The following ACTN4 variants were observed in gnomAD, a reference collection of about 807,000 sequenced individuals.
The protein encoded by ACTN4 is actinin alpha 4.
ACTN4 carries 18 observed loss-of-function variants against 114.2 expected under a neutral mutation model. The ratio of observed to expected loss-of-function variants is 0.16; its 90% CI spans 0.11 to 0.23. The LOEUF (loss-of-function observed/expected upper bound fraction) is 0.23, where lower values mean the gene tolerates loss of function less well. Ranked by LOEUF, ACTN4 falls within the 10% of genes least tolerant of loss-of-function variation. ACTN4 has a pLI of 1.00. For synonymous variants in ACTN4, 515 were observed against 506.3 expected, an observed-to-expected ratio of 1.02 and a Z score of -0.23; for missense variants, 722 against 1,262.9, an observed-to-expected ratio of 0.57 and a Z score of 6.49.
chr19:38,667,474 G>C (rs1966996668), intron 1 of ACTN4, among the ~76,000 whole-genome samples: 1 of 152,142 alleles, frequency 6.6e-6, no homozygotes, highest in African/African-American at 2.4e-5. Flanking sequence ...GTTTTTCTAA[G>C]TTTAAAAAAT....
chr19:38,709,335 C>A, intron 6 of ACTN4, 60 bp from the exon 7 acceptor site: 1 of 1,335,256 alleles, frequency 7.5e-7, no homozygotes, highest in Non-Finnish European at 1.1e-6. Context: ...CCCTGCCTCC[C>A]TCCTGCTCCT....
Position 38,700,732 on chromosome 19 carries a change from G to A in ACTN4, c.277+18G>A, listed in dbSNP as rs370225805. 10 of 1,602,244 alleles carry A rather than the reference G, an allele frequency of 6.2e-6. No homozygotes were observed. The highest frequency in any genetic ancestry group is 4.5e-5 in the East Asian group (2 of 44,842). ...CATATCAGGTGAGACTCCCAGCCAC[G>A]CAGTGCGGCCGAGCCCTGGCACAGG... On this transcript the variant is annotated intron_variant, in intron 2 of 20. Coordinates refer to ENST00000252699, the MANE Select transcript of ACTN4 (RefSeq NM_004924.6).
Position 38,731,042 on chromosome 19 carries a change from G to A in ACTN4, c.*1610G>A, listed in dbSNP as rs929551284. On this transcript the variant is annotated 3_prime_UTR_variant, in exon 21 of 21. Transcript: ENST00000252699. ...CAGTGGCCTGTGCAGAGAGGGGCAG[G>A]GTGAGTGCCCACCAGTCCCCGTACC... The A allele has an allele frequency of 9.6e-6, 15 of 1,557,642 alleles. No homozygotes were observed. Among genetic ancestry groups the A allele is most frequent in the Non-Finnish European group, 1.2e-5 (14 of 1,151,420 alleles).
chr19:38,651,620 C>G (rs927729008), intron 1 of ACTN4, among the ~76,000 whole-genome samples: 1 of 151,980 alleles, frequency 6.6e-6, no homozygotes, highest in Non-Finnish European at 1.5e-5. Context: ...CAACCCTGAC[C>G]GTTGGCTTTT....
At position 38,699,948 on chromosome 19, in the gene ACTN4, C is replaced by CTTTGGGCTGCCCAAAGCTCAAA. The variant is rs1568717706; in HGVS notation, c.163-652_163-651insTTTGGGCTGCCCAAAGCTCAAA. Reference sequence around the variant, plus strand: ...GCTGCCCAAAGCTCAAAGAGAGACTCGAGGAAATCCTGCATTTATGGGAGC... The same window carrying CTTTGGGCTGCCCAAAGCTCAAA: ...GCTGCCCAAAGCTCAAAGAGAGACTCTTTGGGCTGCCCAAAGCTCAAAGAGGAAATCCTGCATTTATGGGAGC... On this transcript the variant is annotated intron_variant, in intron 1 of 20. Transcript: ENST00000252699. 2.0e-5 allele frequency among the ~76,000 whole-genome samples: 3 copies of CTTTGGGCTGCCCAAAGCTCAAA among 151,886 alleles called. No individual in the cohort carries two copies. The South Asian group carries it at 6.2e-4, about 32-fold the overall frequency.
chr19:38,694,880 G>T (rs776372859), intron 1 of ACTN4, among the ~76,000 whole-genome samples: 9 of 134,886 alleles, frequency 6.7e-5, no homozygotes, highest in Non-Finnish European at 1.5e-4. Context: ...GTAATTTTGC[G>T]GGGGGGCGGG....
chr19:38,686,874 T>A (rs1158767631), intron 1 of ACTN4, among the ~76,000 whole-genome samples: 1 of 152,102 alleles, frequency 6.6e-6, no homozygotes, highest in African/African-American at 2.4e-5. Context: ...TGGGAGCAGC[T>A]CCTACCCCGG....
rs1251363726 is a variant in ACTN4, at chr19:38,717,376, C to T, written c.1143+60C>T. 11 of 1,579,842 alleles carry T rather than the reference C, an allele frequency of 7.0e-6. No individual in the cohort carries two copies. In the Admixed American group the frequency reaches 1.8e-4, roughly 26 times the overall value. On this transcript the variant is annotated intron_variant, in intron 10 of 20. Coordinates refer to ENST00000252699, the MANE Select transcript of ACTN4 (RefSeq NM_004924.6). The surrounding 1 kb of genome is among the most constrained non-coding windows in gnomAD (Gnocchi z 4.0). ...GGGGCAGAGGCAGCCCTAGAACTGC[C>T]TGTGGGCAGTTTGGCCAGCGTAATC...
intron 1 of ACTN4, among the ~76,000 whole-genome samples, chr19:38,695,538 C>A (rs190576948): frequency 1.3e-3 from 203 of 152,332 alleles, no homozygotes; most frequent in African/African-American, 4.6e-3. Context: ...CTTCACCCTG[C>A]TTTATTCCTG....
At chr19:38,672,609 T>C (rs1967166418) in intron 1 of ACTN4, among the ~76,000 whole-genome samples, 1 of 151,856 alleles carries the variant, frequency 6.6e-6, no homozygotes, top group Admixed American at 6.6e-5. Context: ...GTTTCGCTCT[T>C]GTTGCCCAGG....
chr19:38,688,431 C>T (rs1206442304), intron 1 of ACTN4, among the ~76,000 whole-genome samples: 1 of 142,342 alleles, frequency 7.0e-6, no homozygotes, highest in Non-Finnish European at 1.5e-5. Context: ...ATTAGCTGGA[C>T]ATGGTGGTGG....
intron 5 of ACTN4, among the ~76,000 whole-genome samples, chr19:38,706,838 T>A (rs948480363): frequency 6.6e-6 from 1 of 152,230 alleles, no homozygotes; most frequent in East Asian, 1.9e-4. Flanking sequence ...AGCTCCACCA[T>A]GAACCTGCTT....
chr19:38,657,747 A>G (rs927598558), intron 1 of ACTN4, among the ~76,000 whole-genome samples: 10 of 152,108 alleles, frequency 6.6e-5, no homozygotes, highest in Non-Finnish European at 1.2e-4. Context: ...CGGCATCTGG[A>G]CATGCTGGGA....
At chr19:38,728,299 C>T (rs961667845) in intron 19 of ACTN4, 2 of 1,525,724 alleles carry the variant, frequency 1.3e-6, no homozygotes, top group East Asian at 2.6e-5. Flanking sequence ...TCTGCTATGC[C>T]TGCGTCCTCG....
At chr19:38,663,581 C>T (rs977109353) in intron 1 of ACTN4, among the ~76,000 whole-genome samples, 1 of 152,170 alleles carries the variant, frequency 6.6e-6, no homozygotes, top group Admixed American at 6.5e-5. Flanking sequence ...GCAGGAGGGG[C>T]GGGCCTTTGC....
chr19:38,678,593 G>A (rs1375519658), intron 1 of ACTN4, among the ~76,000 whole-genome samples: 1 of 152,236 alleles, frequency 6.6e-6, no homozygotes, highest in East Asian at 1.9e-4. Flanking sequence ...TAGAGGATAC[G>A]CAGTGTGGTT....
In ACTN4 at chr19:38,724,443, G is replaced by T. The variant is rs1468539433; in HGVS notation, c.1888G>T (p.Val630Leu). 1 of 1,613,438 alleles carries T rather than the reference G, an allele frequency of 6.2e-7. No individual in the cohort carries two copies. The highest frequency in any genetic ancestry group is 1.7e-5 in the Admixed American group (1 of 60,020). The part of the protein sequence containing the change: ...NSKWEKVQQL[V>L]PKRDHALLEE... ...TCTCCTCTGCCAGGTGCAGCAGCTG[G>T]TGCCAAAACGGGACCATGCCCTCCT... Residue 630 changes from valine to leucine, a missense_variant, in exon 16 of 21, where the codon GTG becomes TTG. By Grantham distance (32) the Val-to-Leu change is conservative. Coordinates refer to ENST00000252699, the MANE Select transcript of ACTN4 (RefSeq NM_004924.6). The surrounding 1 kb of genome is among the most constrained non-coding windows in gnomAD (Gnocchi z 7.0).
rs187146226 is a variant in ACTN4 at position 38,708,069 on chromosome 19, C to G, written c.573-48C>G. On this transcript the variant is annotated intron_variant, in intron 5 of 20. Transcript: ENST00000252699. ...GGTGCACAGGGCCATACGGCACTCTCATGACAGTGAGCGGGCCCTCCTATA... is the reference window on the plus strand; with the variant it reads ...GGTGCACAGGGCCATACGGCACTCTGATGACAGTGAGCGGGCCCTCCTATA... The G allele has an allele frequency of 5.7e-5, 90 of 1,589,150 alleles. No homozygotes were observed. The East Asian group carries it at 2.0e-3, about 35-fold the overall frequency.
chr19:38,728,435 C>G, intron 19 of ACTN4: 1 of 1,064,524 alleles, frequency 9.4e-7, no homozygotes, highest in South Asian at 1.4e-5. Context: ...CCTCCTCCTC[C>G]TCCTCCTCCT....
Sources: gnomAD v4.1 joint callset for allele counts (sites outside exome capture counted in the v4.1 genomes callset) on GRCh38, gnomAD v4.1.1 for gene constraint, Gnocchi (gnomAD v3.1) non-coding constraint, MANE v1.5 for transcripts, NCBI Gene and HGNC (gene_info 2026-07-23, HGNC 2026-07-21) for gene names.